The following GRM4 variants were observed in gnomAD, a reference collection of about 807,000 sequenced individuals.
GRM4 encodes glutamate metabotropic receptor 4.
A neutral mutation model predicts 81.7 loss-of-function variants in GRM4; 28 were observed. The observed-to-expected ratio is 0.34, with a 90% CI of 0.25 to 0.47. The LOEUF is 0.47. Among genes scored for constraint, GRM4 ranks in the 20% least tolerant of loss-of-function variants. The pLI, the probability that GRM4 is intolerant of heterozygous loss-of-function variation, is 1.00. For missense variants in GRM4, 948 were observed against 1,290.0 expected (o/e 0.73, Z 4.06); for synonymous variants, 488 against 528.8 (o/e 0.92, Z 1.06).
At chr6:34,040,781 T>A in intron 6 of GRM4, 33 bp from the exon 7 acceptor site, 1 of 1,555,624 alleles carries the variant, frequency 6.4e-7, no homozygotes, top group Non-Finnish European at 8.8e-7. Context: ...GGGACACTCG[T>A]GAGGCCCACT....
At position 34,089,177 on chromosome 6, in the gene GRM4, C is replaced by T. The variant is rs188212891; in HGVS notation, c.736+2706G>A. 6.6e-6 allele frequency among the ~76,000 whole-genome samples: 1 copy of T among 152,304 alleles called. No individual in the cohort carries two copies. Among genetic ancestry groups the T allele is most frequent in the East Asian group, 1.9e-4 (1 of 5,176 alleles). ...CCAACATGCATCCCAGCCTGGCCAG[C>T]ATGCCCTCCCCACCACTCCCCTCTC... On this transcript the variant is annotated intron_variant, in intron 3 of 10. Coordinates refer to ENST00000538487, the MANE Select transcript of GRM4 (RefSeq NM_000841.4). This position sits in a 1 kb window ranked among gnomAD's most constrained non-coding sequence, Gnocchi z 4.3.
chr6:34,088,789 T>C (rs1251759938), intron 3 of GRM4, among the ~76,000 whole-genome samples: 1 of 152,218 alleles, frequency 6.6e-6, no homozygotes, highest in African/African-American at 2.4e-5. Context: ...ATTACCAGGA[T>C]CTGTAATAGT....
Position 34,133,439 on chromosome 6 carries a change from G to C in GRM4, c.58C>G (p.Leu20Val), listed in dbSNP as rs758626678. ...WWARLPLCLL[L>V]SLYGPWMPSS... ...GGCATCCAGGGGCCGTAAAGGCTGA[G>C]GAGCAGGCAAAGGGGCAGCCGGGCC... Residue 20 changes from leucine (L) to valine (V), a missense_variant, in exon 2 of 11, where the codon CTC (leucine) becomes GTC (valine). Transcript: ENST00000538487. The surrounding 1 kb of genome is among the most constrained non-coding windows in gnomAD (Gnocchi z 6.5). 1 of 1,609,662 alleles carries C rather than the reference G, an allele frequency of 6.2e-7. No individual in the cohort carries two copies.
At chr6:34,145,930 A>G (rs781277649) in intron 1 of GRM4, 70 bp downstream of exon 1, 29 of 828,446 alleles carry the variant, frequency 3.5e-5, no homozygotes, top group South Asian at 1.1e-4. Flanking sequence ...CCCTTCCACC[A>G]CACCCCACCG....
Position 34,058,962 on chromosome 6 carries a change from G to A in GRM4, c.1027+12C>T, listed in dbSNP as rs202218113. ...AGGATGGTGCCGACCACCTGCACCCGCCCAGCCTTACCTCGTACGGACATC... is the reference window on the plus strand; with the variant it reads ...AGGATGGTGCCGACCACCTGCACCCACCCAGCCTTACCTCGTACGGACATC... On this transcript the variant is annotated intron_variant, in intron 5 of 10. Coordinates refer to ENST00000538487, the MANE Select transcript of GRM4 (RefSeq NM_000841.4). 4.0e-5 allele frequency: 64 copies of A among 1,608,594 alleles called. No homozygotes were observed. Among genetic ancestry groups the A allele is most frequent in the Non-Finnish European group, 5.0e-5 (59 of 1,178,662 alleles).
At chr6:34,050,347 C>T (rs907764242) in intron 6 of GRM4, among the ~76,000 whole-genome samples, 1 of 152,278 alleles carries the variant, frequency 6.6e-6, no homozygotes, top group African/African-American at 2.4e-5. Context: ...GAAGGTGGGG[C>T]CTGGTGGGAT....
intron 2 of GRM4, chr6:34,102,209 C>A: frequency 6.8e-7 from 1 of 1,478,896 alleles, no homozygotes; most frequent in South Asian, 1.2e-5. Context: ...AAAATTCACA[C>A]ACCAGCCTTC....
intron 8 of GRM4, among the ~76,000 whole-genome samples, chr6:34,039,196 C>T (rs1400674389): frequency 6.6e-6 from 1 of 152,216 alleles, no homozygotes; most frequent in Non-Finnish European, 1.5e-5. Context: ...GTCCTTCTGC[C>T]TCCCCAGGGC....
intron 6 of GRM4, among the ~76,000 whole-genome samples, chr6:34,053,580 T>C (rs1449952738): frequency 6.6e-6 from 1 of 152,224 alleles, no homozygotes; most frequent in Non-Finnish European, 1.5e-5. Context: ...CTAGAGCCCC[T>C]GCCCTTTTGC....
At chr6:34,046,790 A>T (rs1765383853) in intron 6 of GRM4, among the ~76,000 whole-genome samples, 1 of 152,142 alleles carries the variant, frequency 6.6e-6, no homozygotes, top group Non-Finnish European at 1.5e-5. Flanking sequence ...CACAGATATA[A>T]ACCTGCATTT....
chr6:34,106,370 G>A lies in GRM4; in HGVS notation c.520-14271C>T, dbSNP rs879762333. 6.6e-5 allele frequency among the ~76,000 whole-genome samples: 10 copies of A among 150,382 alleles called. No individual in the cohort carries two copies. In the East Asian group the frequency reaches 9.8e-4, roughly 15 times the overall value. On this transcript the variant is annotated intron_variant, in intron 2 of 10. Transcript: ENST00000538487. ...GCGGAGATTGCAGTGAGCTGAGATC[G>A]CACCACTGCACTCCAACCTGGGAGA...
At chr6:34,044,167 C>CAT (rs1218123947) in intron 6 of GRM4, among the ~76,000 whole-genome samples, 14 of 131,170 alleles carry the variant, frequency 1.1e-4, no homozygotes, top group Non-Finnish European at 1.9e-4. Context: ...CACATACACA[C>CAT]ACATATACAT....
chr6:34,126,465 G>A (rs1289503680), intron 2 of GRM4, among the ~76,000 whole-genome samples: 1 of 152,108 alleles, frequency 6.6e-6, no homozygotes, highest in South Asian at 2.1e-4. Context: ...TCTAATGACA[G>A]CCTAAAATGG....
At chr6:34,108,327 T>C (rs1053103852) in intron 2 of GRM4, among the ~76,000 whole-genome samples, 1 of 152,382 alleles carries the variant, frequency 6.6e-6, no homozygotes. Context: ...TGCCAGCCTC[T>C]GCTCTCAGCA....
chr6:34,093,530 C>T (rs779463700), intron 2 of GRM4, among the ~76,000 whole-genome samples: 4 of 152,166 alleles, frequency 2.6e-5, no homozygotes, highest in South Asian at 2.1e-4. Context: ...TTCTCCACAG[C>T]GATGAGGCCT....
At position 34,074,768 on chromosome 6, in the gene GRM4, G is replaced by A. The variant is rs1169863478; in HGVS notation, c.737-12740C>T. Among the ~76,000 whole-genome samples, 2 of 152,204 alleles carry A rather than the reference G, an allele frequency of 1.3e-5. No homozygotes were observed. The highest frequency in any genetic ancestry group is 4.8e-5 in the African/African-American group (2 of 41,456). On this transcript the variant is annotated intron_variant, in intron 3 of 10. Transcript: ENST00000538487. This position sits in a 1 kb window ranked among gnomAD's most constrained non-coding sequence, Gnocchi z 4.9. Reference sequence around the variant, plus strand: ...AAGCGAGAAAGGCGGAAAAATAATAGAAAAGGGAAGCCGTGGTGTTTGGAG... The same window carrying A: ...AAGCGAGAAAGGCGGAAAAATAATAAAAAAGGGAAGCCGTGGTGTTTGGAG...
Position 34,035,589 on chromosome 6 carries a change from G to T in GRM4, c.2442+79C>A. On this transcript the variant is annotated intron_variant, in intron 9 of 10. Coordinates refer to ENST00000538487, the MANE Select transcript of GRM4 (RefSeq NM_000841.4). The surrounding 1 kb of genome is among the most constrained non-coding windows in gnomAD (Gnocchi z 6.6). ...GAAGGCATTTCTGGAGCAGGGGGGA[G>T]GCCAGCCAGCCTCAGGAGGCTGCCC... The T allele has an allele frequency of 1.2e-6, 1 of 822,118 alleles. No individual in the cohort carries two copies. The highest frequency in any genetic ancestry group is 1.9e-6 in the Non-Finnish European group (1 of 523,832). 50.9% of individuals were successfully genotyped at this position (822,118 alleles called of 1,614,324 possible).
At chr6:34,143,131 A>G (rs1192753716) in intron 1 of GRM4, among the ~76,000 whole-genome samples, 2 of 152,130 alleles carry the variant, frequency 1.3e-5, no homozygotes, top group Non-Finnish European at 2.9e-5. Context: ...CTTTTGAGGT[A>G]TTTTTGTCCC....
In GRM4 at chr6:34,036,835, G is replaced by A. The variant is rs764463789; in HGVS notation, c.1507-232C>T. 2.6e-5 allele frequency among the ~76,000 whole-genome samples: 4 copies of A among 152,200 alleles called. No homozygotes were observed. The highest frequency in any genetic ancestry group is 5.9e-5 in the Non-Finnish European group (4 of 68,038). ...CCTACAGGGAATCCTGACTGAACCC[G>A]AAACTCTCAAGACTCATATGAAGAA... On this transcript the variant is annotated intron_variant, in intron 8 of 10. Transcript: ENST00000538487. This position sits in a 1 kb window ranked among gnomAD's most constrained non-coding sequence, Gnocchi z 9.0.
Sources: gnomAD v4.1 joint callset for allele counts (sites outside exome capture counted in the v4.1 genomes callset) on GRCh38, gnomAD v4.1.1 for gene constraint, Gnocchi (gnomAD v3.1) non-coding constraint, MANE v1.5 for transcripts, NCBI Gene and HGNC (gene_info 2026-07-23, HGNC 2026-07-21) for gene names.